The following SORCS1 variants were observed in gnomAD, a reference collection of about 807,000 sequenced individuals.
The protein encoded by SORCS1 is sortilin related VPS10 domain containing receptor 1.
Under a neutral mutation model 146.1 loss-of-function variants are expected in SORCS1, and 60 were observed. That is an observed-to-expected ratio of 0.41 (90% confidence interval 0.33 to 0.51). SORCS1 has a LOEUF of 0.51. Among genes scored for constraint, SORCS1 ranks in the 20% least tolerant of loss-of-function variants. The probability of loss-of-function intolerance (pLI) is 0.21; values close to 1 mark genes in which losing one functional copy is unlikely to be tolerated. For missense variants in SORCS1, 1,352 were observed against 1,487.6 expected, an observed-to-expected ratio of 0.91 and a Z score of 1.50; for synonymous variants, 637 against 584.0, an observed-to-expected ratio of 1.09 and a Z score of -1.31.
chr10:106,798,724 T>C (rs1175481976), intron 3 of SORCS1, among the ~76,000 whole-genome samples: 1 of 152,218 alleles, frequency 6.6e-6, no homozygotes, highest in Non-Finnish European at 1.5e-5. Context: ...TCTTTGCTAT[T>C]GTGAATAGTG....
chr10:106,988,095 A>T (rs1956566500), intron 1 of SORCS1, among the ~76,000 whole-genome samples: 1 of 152,172 alleles, frequency 6.6e-6, no homozygotes, highest in Non-Finnish European at 1.5e-5. Context: ...ATGCCCTGTG[A>T]CTTTTCTGTA....
At chr10:106,604,828 A>T (rs1846464089) in intron 23 of SORCS1, among the ~76,000 whole-genome samples, 1 of 152,118 alleles carries the variant, frequency 6.6e-6, no homozygotes, top group African/African-American at 2.4e-5. Context: ...AATGAACATG[A>T]ATGTAACCAT....
chr10:107,014,264 A>G (rs1182252434), intron 1 of SORCS1, among the ~76,000 whole-genome samples: 1 of 137,606 alleles, frequency 7.3e-6, no homozygotes, highest in Admixed American at 6.7e-5. Context: ...AAAAAAAAAA[A>G]AAAAAAAAGA....
At chr10:106,976,337 T>TTTTTTTGTTG (rs201812454) in intron 1 of SORCS1, among the ~76,000 whole-genome samples, 2 of 140,450 alleles carry the variant, frequency 1.4e-5, no homozygotes, top group East Asian at 4.1e-4. Flanking sequence ...TTTTTTGTTT[T>TTTTTTTGTTG]TTTTTTTTTT....
chr10:106,989,357 C>T (rs984254264), intron 1 of SORCS1, among the ~76,000 whole-genome samples: 1 of 151,020 alleles, frequency 6.6e-6, no homozygotes, highest in South Asian at 2.1e-4. Flanking sequence ...CTTGGTAGTA[C>T]CTTGATTCTG....
intron 22 of SORCS1, among the ~76,000 whole-genome samples, chr10:106,608,416 G>A (rs1031590371): frequency 6.6e-6 from 1 of 152,062 alleles, no homozygotes; most frequent in Non-Finnish European, 1.5e-5. Flanking sequence ...TTCCCAATTA[G>A]GTGATTATTT....
Position 106,957,250 on chromosome 10 carries a change from T to G in SORCS1, c.559-670A>C, listed in dbSNP as rs904437352. Among the ~76,000 whole-genome samples, 4 of 149,572 alleles carry G rather than the reference T, an allele frequency of 2.7e-5. No individual in the cohort carries two copies. The East Asian group carries it at 8.2e-4, about 31-fold the overall frequency. ...GTGCAGTGGCACGATCTCGGCTCAC[T>G]GCAACCTCTGCCTCCCAGGTTCAAG... On this transcript the variant is annotated intron_variant, in intron 1 of 25. Transcript: ENST00000263054.
intron 1 of SORCS1, among the ~76,000 whole-genome samples, chr10:107,121,332 T>C (rs555164479): frequency 1.1e-4 from 17 of 152,304 alleles, no homozygotes; most frequent in South Asian, 6.2e-4. Context: ...ATCCATAAAA[T>C]GCATGGACCT....
chr10:106,947,235 T>C (rs1477154126), intron 2 of SORCS1, among the ~76,000 whole-genome samples: 1 of 152,242 alleles, frequency 6.6e-6, no homozygotes, highest in East Asian at 1.9e-4. Flanking sequence ...TCTTGGAATG[T>C]AATCTCGAGT....
chr10:106,709,553 A>G (rs565745740), intron 6 of SORCS1, among the ~76,000 whole-genome samples: 9 of 142,994 alleles, frequency 6.3e-5, no homozygotes, highest in African/African-American at 2.4e-4. Context: ...GGTTCACGCC[A>G]TTCTCCTGCC....
chr10:107,039,332 G>GAAAAAAAAAA (rs58915918), intron 1 of SORCS1, among the ~76,000 whole-genome samples: 1 of 109,940 alleles, frequency 9.1e-6, no homozygotes, highest in Non-Finnish European at 1.8e-5. Flanking sequence ...CTCAAATAAA[G>GAAAAAAAAAA]AAAAAAAAAA....
chr10:107,004,195 A>G (rs1957345637), intron 1 of SORCS1, among the ~76,000 whole-genome samples: 1 of 151,688 alleles, frequency 6.6e-6, no homozygotes, highest in Admixed American at 6.6e-5. Flanking sequence ...AAAAAAAAAA[A>G]AAAAGCAGAG....
intron 16 of SORCS1, among the ~76,000 whole-genome samples, chr10:106,671,033 G>A (rs753659962): frequency 1.3e-5 from 2 of 152,070 alleles, no homozygotes; most frequent in African/African-American, 2.4e-5. Flanking sequence ...GCCATCTTCC[G>A]AGTCCTCTTT....
intron 4 of SORCS1, among the ~76,000 whole-genome samples, chr10:106,765,972 G>T (rs201935917): frequency 6.6e-6 from 1 of 152,154 alleles, no homozygotes; most frequent in Admixed American, 6.5e-5. Flanking sequence ...TTTGTGCTAC[G>T]AGAATTCCAT....
intron 2 of SORCS1, among the ~76,000 whole-genome samples, chr10:106,885,244 GA>G (rs755061992): frequency 2.6e-4 from 38 of 146,184 alleles, no homozygotes; most frequent in Non-Finnish European, 3.9e-4. Context: ...CTGTATGTAT[GA>G]TTTTTTTTAG....
intron 1 of SORCS1, among the ~76,000 whole-genome samples, chr10:107,090,822 G>A (rs562319610): frequency 6.6e-6 from 1 of 152,254 alleles, no homozygotes; most frequent in South Asian, 2.1e-4. Context: ...TAGAACCCAA[G>A]TTATTCCCAG....
At chr10:107,147,168 T>C (rs1437483774) in intron 1 of SORCS1, among the ~76,000 whole-genome samples, 1 of 152,238 alleles carries the variant, frequency 6.6e-6, no homozygotes, top group Non-Finnish European at 1.5e-5. Flanking sequence ...TTTTTCTTAT[T>C]GGCACAGTGC....
intron 2 of SORCS1, among the ~76,000 whole-genome samples, chr10:106,879,709 G>C (rs1950739903): frequency 6.6e-6 from 1 of 152,250 alleles, no homozygotes; most frequent in African/African-American, 2.4e-5. Context: ...GGCCAAGTGA[G>C]GAGAGCTGTG....
intron 1 of SORCS1, among the ~76,000 whole-genome samples, chr10:107,097,691 T>G (rs1157235152): frequency 6.6e-6 from 1 of 152,194 alleles, no homozygotes; most frequent in Non-Finnish European, 1.5e-5. Flanking sequence ...TGGCTCCCTC[T>G]CGATTCTGGT....
Sources: gnomAD v4.1 joint callset for allele counts (sites outside exome capture counted in the v4.1 genomes callset) on GRCh38, gnomAD v4.1.1 for gene constraint, MANE v1.5 for transcripts, NCBI Gene and HGNC (gene_info 2026-07-23, HGNC 2026-07-21) for gene names.